The following CAV1 variants were observed in gnomAD, a reference collection of about 807,000 sequenced individuals.
The protein encoded by CAV1 is caveolin-1.
In CAV1, 10 loss-of-function variants were observed where a neutral mutation model predicts 16.5. That is an observed-to-expected ratio of 0.61 (90% CI 0.37 to 1.03). The LOEUF is 1.03. Ranked by LOEUF, CAV1 falls within the 50% of genes least tolerant of loss-of-function variation. The pLI is 0.01. For synonymous variants in CAV1, 76 were observed against 85.1 expected, an observed-to-expected ratio of 0.89 and a Z score of 0.59; for missense variants, 212 against 232.8, an observed-to-expected ratio of 0.91 and a Z score of 0.58.
Position 116,559,728 on chromosome 7 carries a change from G to A in CAV1, c.*441G>A, listed in dbSNP as rs901776413. Reference sequence around the variant, plus strand: ...TGGCCATGGAGTGTACAAGTATGTGGGCAGATTTTCAGCAAACTCTTTTCC... The same window carrying A: ...TGGCCATGGAGTGTACAAGTATGTGAGCAGATTTTCAGCAAACTCTTTTCC... On this transcript the variant is annotated 3_prime_UTR_variant, in exon 3 of 3. Transcript: ENST00000341049. 1.1e-5 allele frequency: 5 copies of A among 438,944 alleles called. No individual in the cohort carries two copies. Among genetic ancestry groups the A allele is most frequent in the African/African-American group, 1.0e-4 (5 of 48,874 alleles). 27.2% of individuals were successfully genotyped at this position (438,944 alleles called of 1,614,324 possible).
chr7:116,530,897 G>T (rs1281390949), intron 2 of CAV1, among the ~76,000 whole-genome samples: 3 of 152,206 alleles, frequency 2.0e-5, no homozygotes, highest in African/African-American at 7.2e-5. Context: ...AATGACTCTG[G>T]TGAAGGTACA....
chr7:116,530,826 G>A (rs1388567534), intron 2 of CAV1, among the ~76,000 whole-genome samples: 1 of 152,200 alleles, frequency 6.6e-6, no homozygotes, highest in Non-Finnish European at 1.5e-5. Flanking sequence ...CATGTCAACA[G>A]TGGACAGCCA....
At position 116,559,970 on chromosome 7, in the gene CAV1, T is replaced by G. The variant is rs1053349384; in HGVS notation, c.*683T>G. 1 of 397,356 alleles carries G rather than the reference T, an allele frequency of 2.5e-6. No individual in the cohort carries two copies. Among genetic ancestry groups the G allele is most frequent in the African/African-American group, 2.1e-5 (1 of 48,564 alleles). The allele number at this position is 397,356 out of a possible 1,614,324, so 24.6% of individuals were successfully genotyped here. A position where few individuals can be genotyped will look rare whatever the true frequency, so the allele number is the denominator to read the frequency against. ...CCTTCCTGTTTTTCACATTTTCCTT[T>G]TCAAATAGGGTCTAACTCAGCAACT... On this transcript the variant is annotated 3_prime_UTR_variant, in exon 3 of 3. Transcript: ENST00000341049.
chr7:116,555,576 GAAAGAAAGAA>G (rs1794270575), intron 2 of CAV1, among the ~76,000 whole-genome samples: 1 of 63,942 alleles, frequency 1.6e-5, no homozygotes, highest in Non-Finnish European at 2.8e-5. Context: ...AAGAAAGAAA[GAAAGAAAGAA>G]AGAAAGAAAG....
intron 1 of CAV1, 37 bp from the exon 2 acceptor site, chr7:116,526,488 C>T: frequency 1.2e-6 from 2 of 1,613,222 alleles, no homozygotes; most frequent in Non-Finnish European, 1.7e-6. Flanking sequence ...CGTTGCCGCC[C>T]TCCCCGTCCT....
chr7:116,527,413 C>T (rs1793587750), intron 2 of CAV1, among the ~76,000 whole-genome samples: 1 of 152,152 alleles, frequency 6.6e-6, no homozygotes, highest in Admixed American at 6.5e-5. Context: ...GTCAGCCTGC[C>T]CTGAGCTAAT....
chr7:116,536,560 C>T (rs911747017), intron 2 of CAV1, among the ~76,000 whole-genome samples: 1 of 152,172 alleles, frequency 6.6e-6, no homozygotes, highest in African/African-American at 2.4e-5. Flanking sequence ...CTTGAGGGGT[C>T]GTGGCCTGTT....
intron 1 of CAV1, chr7:116,525,637 G>A (rs1793541472): frequency 7.2e-6 from 8 of 1,115,054 alleles, no homozygotes; most frequent in Non-Finnish European, 8.9e-6. Context: ...GGGGTGTTCC[G>A]AGAGAGGTAG....
intron 2 of CAV1, among the ~76,000 whole-genome samples, chr7:116,529,684 T>A (rs892457919): frequency 2.0e-5 from 3 of 152,172 alleles, no homozygotes; most frequent in African/African-American, 7.2e-5. Flanking sequence ...ATTACCTATT[T>A]TACTAGTAAT....
At chr7:116,553,524 G>T (rs1013709647) in intron 2 of CAV1, among the ~76,000 whole-genome samples, 17 of 152,110 alleles carry the variant, frequency 1.1e-4, no homozygotes, top group Admixed American at 9.2e-4. Context: ...CCTCCAGAAG[G>T]CCAAGTTGTT....
At chr7:116,552,534 A>G (rs1794183900) in intron 2 of CAV1, among the ~76,000 whole-genome samples, 1 of 152,244 alleles carries the variant, frequency 6.6e-6, no homozygotes, top group African/African-American at 2.4e-5. Flanking sequence ...TCACATAAGC[A>G]AAAGTCTAGG....
intron 2 of CAV1, among the ~76,000 whole-genome samples, chr7:116,545,741 G>A (rs533651090): frequency 6.6e-6 from 1 of 152,344 alleles, no homozygotes; most frequent in South Asian, 2.1e-4. Flanking sequence ...TGGGTAGACT[G>A]AAAATGATGA....
At chr7:116,542,756 C>T (rs1584777343) in intron 2 of CAV1, 1 of 152,224 alleles carries the variant, frequency 6.6e-6, no homozygotes, top group South Asian at 2.1e-4. Context: ...ATTTTTAATT[C>T]TTCCCAAGAG....
intron 2 of CAV1, among the ~76,000 whole-genome samples, chr7:116,532,854 C>T (rs1021842295): frequency 6.6e-6 from 1 of 152,150 alleles, no homozygotes; most frequent in East Asian, 1.9e-4. Flanking sequence ...GTAATCAGAT[C>T]AGGTGTGGTT....
chr7:116,560,084 G>T lies in CAV1; in HGVS notation c.*797G>T, dbSNP rs1794376135. 1 of 361,544 alleles carries T rather than the reference G, an allele frequency of 2.8e-6. No homozygotes were observed. The highest frequency in any genetic ancestry group is 2.1e-5 in the African/African-American group (1 of 47,892). 22.4% of individuals were successfully genotyped at this position (361,544 alleles called of 1,614,324 possible). The stretch of plus-strand genomic sequence containing the variant: ...CGTGTTTCTGACTCTGAGCTACAGA[G>T]TCTGGTGAAGCTCACTTCTGGGCTT... On this transcript the variant is annotated 3_prime_UTR_variant, in exon 3 of 3. Transcript: ENST00000341049.
chr7:116,536,082 G>A (rs1793807579), intron 2 of CAV1, among the ~76,000 whole-genome samples: 1 of 152,130 alleles, frequency 6.6e-6, no homozygotes, highest in Non-Finnish European at 1.5e-5. Flanking sequence ...CTCATGCATG[G>A]TGCAGATGTC....
intron 2 of CAV1, among the ~76,000 whole-genome samples, chr7:116,534,601 C>T (rs966330146): frequency 8.6e-5 from 13 of 150,438 alleles, no homozygotes; most frequent in South Asian, 2.1e-4. Flanking sequence ...AGGGTGTCAC[C>T]GTGTTAGCCA....
intron 2 of CAV1, among the ~76,000 whole-genome samples, chr7:116,541,285 G>C (rs759034264): frequency 2.6e-5 from 4 of 152,184 alleles, no homozygotes; most frequent in East Asian, 1.9e-4. Context: ...AGGAGGGACT[G>C]TTTCGTGTAG....
chr7:116,525,655 CT>C, intron 1 of CAV1: 2 of 1,088,948 alleles, frequency 1.8e-6, no homozygotes, highest in Non-Finnish European at 2.3e-6. Flanking sequence ...TAGACCTCCC[CT>C]CCCCAAACTG....
Sources: gnomAD v4.1 joint callset for allele counts (sites outside exome capture counted in the v4.1 genomes callset) on GRCh38, gnomAD v4.1.1 for gene constraint, MANE v1.5 for transcripts, NCBI Gene and HGNC (gene_info 2026-07-23, HGNC 2026-07-21) for gene names.